Variants in CDKAL1 observed in about 807,000 individuals in gnomAD.
The protein encoded by CDKAL1 is CDKAL1 threonylcarbamoyladenosine tRNA methylthiotransferase.
In CDKAL1, 32 loss-of-function variants were observed where a neutral mutation model predicts 68.2. The observed-to-expected ratio is 0.47, with a 90% CI of 0.35 to 0.63. The LOEUF is 0.63. Ranked by LOEUF, CDKAL1 falls within the 30% of genes least tolerant of loss-of-function variation. The probability of loss-of-function intolerance (pLI) is 0.00; values close to 1 mark genes in which losing one functional copy is unlikely to be tolerated. For synonymous variants in CDKAL1, 234 were observed against 244.3 expected (o/e 0.96, Z 0.39); for missense variants, 606 against 696.7 (o/e 0.87, Z 1.47).
At chr6:21,043,669 C>G (rs1664226124) in intron 11 of CDKAL1, among the ~76,000 whole-genome samples, 1 of 152,186 alleles carries the variant, frequency 6.6e-6, no homozygotes, top group African/African-American at 2.4e-5. Context: ...TTTGCTATCT[C>G]AGAGTCATTT....
chr6:20,969,252 T>A (rs1441293586), intron 10 of CDKAL1, among the ~76,000 whole-genome samples: 3 of 152,180 alleles, frequency 2.0e-5, no homozygotes, highest in African/African-American at 7.2e-5. Context: ...AAACAATCAA[T>A]TAATGCACGT....
At chr6:21,162,759 T>TA (rs1051200993) in intron 13 of CDKAL1, among the ~76,000 whole-genome samples, 14 of 151,494 alleles carry the variant, frequency 9.2e-5, no homozygotes, top group East Asian at 3.9e-4. Context: ...ACCTTGTCTC[T>TA]AAAAAAAAGG....
At chr6:20,978,096 T>TA (rs1765929196) in intron 10 of CDKAL1, among the ~76,000 whole-genome samples, 1 of 152,204 alleles carries the variant, frequency 6.6e-6, no homozygotes, top group African/African-American at 2.4e-5. Context: ...TAAAATGAAA[T>TA]ATTAAAAACT....
Position 21,166,069 on chromosome 6 carries a change from G to A in CDKAL1, c.1300-31952G>A, listed in dbSNP as rs139046939. ...AGTGCTTACCTCATAGAGTTGCTGTGAGCATTACACATGTTACATATATGA... is the reference window on the plus strand; with the variant it reads ...AGTGCTTACCTCATAGAGTTGCTGTAAGCATTACACATGTTACATATATGA... On this transcript the variant is annotated intron_variant, in intron 13 of 15. Coordinates refer to ENST00000274695, the MANE Select transcript of CDKAL1 (RefSeq NM_017774.3). Among the ~76,000 whole-genome samples, 456 of 152,242 alleles carry A rather than the reference G, an allele frequency of 3.0e-3. 1 individual carries two copies. Among genetic ancestry groups the A allele is most frequent in the Non-Finnish European group, 4.5e-3 (303 of 68,010 alleles).
chr6:21,198,937 C>A (rs555671746), intron 14 of CDKAL1, among the ~76,000 whole-genome samples: 2 of 152,230 alleles, frequency 1.3e-5, no homozygotes, highest in African/African-American at 4.8e-5. Context: ...AGATGGGATA[C>A]GCCCTCCTCT....
intron 12 of CDKAL1, among the ~76,000 whole-genome samples, chr6:21,081,985 A>G (rs1321420473): frequency 6.9e-6 from 1 of 144,380 alleles, no homozygotes; most frequent in Admixed American, 7.5e-5. Flanking sequence ...AGTTCCAAGT[A>G]TAAGAGCTAT....
chr6:21,039,812 C>G (rs757203085), intron 11 of CDKAL1, among the ~76,000 whole-genome samples: 8 of 152,090 alleles, frequency 5.3e-5, no homozygotes, highest in Non-Finnish European at 1.0e-4. Flanking sequence ...ATGTCAGTCA[C>G]TAGACATGCC....
intron 4 of CDKAL1, among the ~76,000 whole-genome samples, chr6:20,583,092 C>T (rs1765203170): frequency 1.3e-5 from 2 of 152,134 alleles, no homozygotes; most frequent in Admixed American, 6.5e-5. Flanking sequence ...CTTTGCCTTA[C>T]ACTTGGGCAT....
chr6:20,812,996 A>G (rs1776886736), intron 8 of CDKAL1, among the ~76,000 whole-genome samples: 2 of 152,178 alleles, frequency 1.3e-5, no homozygotes, highest in Admixed American at 6.5e-5. Context: ...TGTTCTGTCA[A>G]TATTAGCCAT....
At chr6:21,220,199 TGC>T (rs1376977804) in intron 15 of CDKAL1, among the ~76,000 whole-genome samples, 2 of 146,448 alleles carry the variant, frequency 1.4e-5, no homozygotes, top group African/African-American at 5.5e-5. Flanking sequence ...CGTGCGTGCG[TGC>T]GTGTGTGTGT....
chr6:21,154,934 A>G (rs1776576448), intron 13 of CDKAL1, among the ~76,000 whole-genome samples: 1 of 152,040 alleles, frequency 6.6e-6, no homozygotes, highest in Admixed American at 6.5e-5. Context: ...CGGAGGTTTC[A>G]GTGAGCCGAT....
At chr6:20,626,214 C>A (rs73732400) in intron 4 of CDKAL1, among the ~76,000 whole-genome samples, 170 of 152,214 alleles carry the variant, frequency 1.1e-3, no homozygotes, top group African/African-American at 4.0e-3. Flanking sequence ...ATATGCAGAA[C>A]TTACCTTCAT....
intron 11 of CDKAL1, among the ~76,000 whole-genome samples, chr6:21,003,842 C>G (rs141995325): frequency 2.0e-5 from 3 of 152,148 alleles, no homozygotes; most frequent in African/African-American, 7.2e-5. Context: ...TTGTGCCTAA[C>G]GCTCATTCAT....
At chr6:20,867,555 G>A (rs879304784) in intron 9 of CDKAL1, among the ~76,000 whole-genome samples, 1 of 151,248 alleles carries the variant, frequency 6.6e-6, no homozygotes, top group Non-Finnish European at 1.5e-5. Flanking sequence ...TCAGACGACT[G>A]TCAGATTAGG....
intron 13 of CDKAL1, among the ~76,000 whole-genome samples, chr6:21,138,229 GTGTGTGTC>G (rs988623450): frequency 7.4e-4 from 30 of 40,346 alleles, no homozygotes; most frequent in East Asian, 0.013. Flanking sequence ...GTGTGTGTAT[GTGTGTGTC>G]TGTGTGTGTG....
intron 10 of CDKAL1, among the ~76,000 whole-genome samples, chr6:20,961,186 A>G (rs960369403): frequency 2.0e-5 from 3 of 152,194 alleles, no homozygotes; most frequent in African/African-American, 7.2e-5. Context: ...CATGGAGTCA[A>G]CTTAAATGCC....
chr6:21,061,175 G>C (rs929099972), intron 11 of CDKAL1, among the ~76,000 whole-genome samples: 1 of 152,056 alleles, frequency 6.6e-6, no homozygotes, highest in Non-Finnish European at 1.5e-5. Flanking sequence ...ACATGTCCCT[G>C]ATATATCTTT....
intron 12 of CDKAL1, among the ~76,000 whole-genome samples, chr6:21,067,485 G>A (rs537657389): frequency 3.0e-4 from 45 of 152,184 alleles, no homozygotes; most frequent in African/African-American, 9.4e-4. Context: ...GGTGGTGGGC[G>A]CCTGTAGTCT....
chr6:20,758,633 G>T lies in CDKAL1; in HGVS notation c.507G>T (p.Glu169Asp). The T allele has an allele frequency of 6.2e-7, 1 of 1,608,460 alleles. No homozygotes were observed. Among genetic ancestry groups the T allele is most frequent in the East Asian group, 2.2e-5 (1 of 44,762 alleles). The change falls in exon 7 of 16, where the codon GAG becomes GAT. Residue 169 changes from glutamate to aspartate, a missense_variant. Glu to Asp is a conservative substitution (Grantham distance 45). Coordinates refer to ENST00000274695, the MANE Select transcript of CDKAL1 (RefSeq NM_017774.3). ...QIDRVVEVVE[E>D]TIKGHSVRLL... ...ATCGTGTGGTAGAAGTTGTGGAGGAGACAATTAAAGGTAATCGTTGAAAGT... is the reference window on the plus strand; with the variant it reads ...ATCGTGTGGTAGAAGTTGTGGAGGATACAATTAAAGGTAATCGTTGAAAGT...
Sources: gnomAD v4.1 joint callset for allele counts (sites outside exome capture counted in the v4.1 genomes callset) on GRCh38, gnomAD v4.1.1 for gene constraint, MANE v1.5 for transcripts, NCBI Gene and HGNC (gene_info 2026-07-23, HGNC 2026-07-21) for gene names.